Variants in TET2 observed in about 807,000 individuals in gnomAD.
TET2 encodes the protein tet methylcytosine dioxygenase 2.
Under a neutral mutation model 142.9 loss-of-function variants are expected in TET2, and 299 were observed. That is an observed-to-expected ratio of 2.09 (90% CI 1.90 to 2.30). The LOEUF (loss-of-function observed/expected upper bound fraction) is 2.30. TET2 is among the 30% of genes most tolerant of loss of function. The pLI is 0.00. For missense variants in TET2, 2,418 were observed against 2,378.0 expected (o/e 1.02, Z -0.35); for synonymous variants, 819 against 849.0 (o/e 0.96, Z 0.61).
chr4:105,240,069 C>T (rs1729208575), intron 3 of TET2: 2 of 235,754 alleles, frequency 8.5e-6, no homozygotes, highest in East Asian at 1.3e-4. Context: ...TTGTGGCACC[C>T]CCCAAAAATT....
chr4:105,239,067 G>GTTTTTTT, intron 3 of TET2: 1 of 92,636 alleles, frequency 1.1e-5, no homozygotes, highest in Non-Finnish European at 2.1e-5. Flanking sequence ...TTTTGGTTTT[G>GTTTTTTT]TTTTTTGTTT....
At chr4:105,246,035 A>G (rs1729567323) in intron 6 of TET2, among the ~76,000 whole-genome samples, 1 of 152,142 alleles carries the variant, frequency 6.6e-6, no homozygotes, top group Non-Finnish European at 1.5e-5. Context: ...GGTTCAAGTG[A>G]TTCTCATGCC....
intron 10 of TET2, 112 bp from the exon 11 acceptor site, chr4:105,274,936 G>A (rs1731124588): frequency 7.4e-7 from 1 of 1,351,824 alleles, no homozygotes; most frequent in South Asian, 1.6e-5. Context: ...AATGGGTGTC[G>A]TATATCACTA....
At chr4:105,208,239 T>C (rs1311690761) in intron 2 of TET2, among the ~76,000 whole-genome samples, 1 of 152,188 alleles carries the variant, frequency 6.6e-6, no homozygotes, top group Non-Finnish European at 1.5e-5. Context: ...GGCCAACTTA[T>C]CTTGGGTCAC....
At chr4:105,264,300 G>A (rs1296051324) in intron 8 of TET2, among the ~76,000 whole-genome samples, 2 of 152,092 alleles carry the variant, frequency 1.3e-5, no homozygotes, top group Non-Finnish European at 2.9e-5. Flanking sequence ...TGATACTGTC[G>A]TAAAAGTTTA....
intron 8 of TET2, among the ~76,000 whole-genome samples, chr4:105,266,667 A>C (rs1730693440): frequency 6.6e-6 from 1 of 152,106 alleles, no homozygotes; most frequent in South Asian, 2.1e-4. Flanking sequence ...GGCGGAATTA[A>C]CAGATTAAGG....
intron 8 of TET2, among the ~76,000 whole-genome samples, chr4:105,269,113 T>A (rs577849519): frequency 4.2e-4 from 64 of 152,304 alleles, no homozygotes; most frequent in Non-Finnish European, 6.2e-4. Flanking sequence ...CAAAGATGAT[T>A]CAATTGGGAA....
chr4:105,151,465 ATATATAT>A (rs1484750247), intron 1 of TET2, among the ~76,000 whole-genome samples: 1 of 150,460 alleles, frequency 6.6e-6, no homozygotes, highest in Non-Finnish European at 1.5e-5. Context: ...TTTCAATATA[ATATATAT>A]TAGATATAGA....
At chr4:105,196,916 C>G (rs1412412112) in intron 2 of TET2, among the ~76,000 whole-genome samples, 1 of 151,962 alleles carries the variant, frequency 6.6e-6, no homozygotes, top group Admixed American at 6.6e-5. Flanking sequence ...GTTTTATTTC[C>G]CTCTCCCCCT....
At position 105,233,979 on chromosome 4, in the gene TET2, A is replaced by G; in HGVS notation, c.37A>G (p.Arg13Gly). The G allele has an allele frequency of 6.2e-7, 1 of 1,614,122 alleles. No individual in the cohort carries two copies. Among genetic ancestry groups the G allele is most frequent in the Non-Finnish European group, 8.5e-7 (1 of 1,180,018 alleles). Reference sequence around the variant, plus strand: ...TAGAACCAACCATGTTGAGGGCAACAGACTAAGTCCATTCCTGATACCATC... The same window carrying G: ...TAGAACCAACCATGTTGAGGGCAACGGACTAAGTCCATTCCTGATACCATC... ...QDRTNHVEGN[R>G]LSPFLIPSPP... is the part of the protein sequence containing the mutation. Residue 13 changes from arginine (R) to glycine (G), a missense_variant, in exon 3 of 11, where the codon AGA becomes GGA. Arg to Gly is a moderately radical substitution (Grantham distance 125). Coordinates refer to ENST00000380013, the MANE Select transcript of TET2 (RefSeq NM_001127208.3).
intron 7 of TET2, among the ~76,000 whole-genome samples, chr4:105,260,980 C>G (rs1463299783): frequency 1.3e-5 from 2 of 151,902 alleles, no homozygotes; most frequent in Non-Finnish European, 2.9e-5. Flanking sequence ...TACCAAGTAA[C>G]TTATTGCCTC....
In TET2 at chr4:105,243,712, CGG is replaced by C; in HGVS notation, c.3738_3739del (p.Glu1247AlafsTer20). On this transcript the variant is annotated frameshift_variant, in exon 6 of 11. Transcript: ENST00000380013. LOFTEE classifies it high-confidence loss of function. ...CTGTCTCTGGCTGACAAACTCTACT[CGG>C]AGCTTACCGAGACGCTGAGGAAATA... 1.3e-6 allele frequency: 2 copies of C among 1,551,530 alleles called. No individual in the cohort carries two copies. Among genetic ancestry groups the C allele is most frequent in the East Asian group, 2.4e-5 (1 of 40,920 alleles).
At chr4:105,218,476 T>G (rs1399631450) in intron 2 of TET2, among the ~76,000 whole-genome samples, 1 of 152,124 alleles carries the variant, frequency 6.6e-6, no homozygotes, top group Non-Finnish European at 1.5e-5. Context: ...AGGTAAAAAT[T>G]ACACCCTTCA....
In TET2 at chr4:105,272,804, G is replaced by T. The variant is rs991358608; in HGVS notation, c.4423G>T (p.Ala1475Ser). ...RQRKLEAKKAAAEKLSSLENS... is the reference protein window; with the variant it reads ...RQRKLEAKKASAEKLSSLENS... ...AAGGAAACTAGAAGCCAAGAAAGCT[G>T]CAGCTGAAAAGCTTTCCTCCCTGGA... is the stretch of plus-strand genomic sequence containing the variant. The change falls in exon 10 of 11, where the codon GCA becomes TCA. Residue 1475 changes from alanine to serine, a missense_variant. Coordinates refer to ENST00000380013, the MANE Select transcript of TET2 (RefSeq NM_001127208.3). 6.4e-7 allele frequency: 1 copy of T among 1,551,644 alleles called. No individual in the cohort carries two copies. Among genetic ancestry groups the T allele is most frequent in the African/African-American group, 1.4e-5 (1 of 73,154 alleles).
intron 1 of TET2, among the ~76,000 whole-genome samples, chr4:105,185,478 T>C (rs189893791): frequency 2.0e-5 from 3 of 152,330 alleles, no homozygotes; most frequent in Non-Finnish European, 4.4e-5. Flanking sequence ...AAGTAGATAA[T>C]ACCTTTCTAA....
At chr4:105,203,261 A>G (rs1002728239) in intron 2 of TET2, among the ~76,000 whole-genome samples, 6 of 152,326 alleles carry the variant, frequency 3.9e-5, no homozygotes, top group South Asian at 4.1e-4. Flanking sequence ...CCATTCCTAC[A>G]TTGACCATGT....
intron 1 of TET2, among the ~76,000 whole-genome samples, chr4:105,149,096 T>C (rs1172823371): frequency 6.6e-6 from 1 of 152,214 alleles, no homozygotes; most frequent in East Asian, 1.9e-4. Flanking sequence ...CTGTTCATGG[T>C]AAACTATCGA....
Position 105,259,742 on chromosome 4 carries a change from T to G in TET2, c.3927T>G (p.Phe1309Leu). ...CCAGAAGCAAGATCCCAAGGAAGTT[T>G]AAGCTGCTTGGGGATGACCCAAAAG... ...KFARSKIPRKFKLLGDDPKEE... is the reference protein window; with the variant it reads ...KFARSKIPRKLKLLGDDPKEE... The change falls in exon 7 of 11, where the codon TTT becomes TTG. Residue 1309 changes from phenylalanine to leucine, a missense_variant. Transcript: ENST00000380013. The G allele has an allele frequency of 6.4e-7, 1 of 1,550,944 alleles. No homozygotes were observed. Among genetic ancestry groups the G allele is most frequent in the Non-Finnish European group, 8.7e-7 (1 of 1,146,466 alleles).
At position 105,234,946 on chromosome 4, in the gene TET2, C is replaced by T; in HGVS notation, c.1004C>T (p.Pro335Leu). The change falls in exon 3 of 11, where the codon CCT becomes CTT. Residue 335 changes from proline to leucine, a missense_variant. Transcript: ENST00000380013. Reference sequence around the variant, plus strand: ...TCAGTTTTTGAGATATGCCCATCTCCTGCAGAAAATAACATCCAGGGAACC... The same window carrying T: ...TCAGTTTTTGAGATATGCCCATCTCTTGCAGAAAATAACATCCAGGGAACC... ...QKSVFEICPS[P>L]AENNIQGTTK... 1 of 1,613,994 alleles carries T rather than the reference C, an allele frequency of 6.2e-7. No homozygotes were observed. The highest frequency in any genetic ancestry group is 1.7e-5 in the Admixed American group (1 of 59,990).
Sources: allele counts gnomAD v4.1 joint callset (sites outside exome capture counted in the v4.1 genomes callset), GRCh38; gene constraint gnomAD v4.1.1; transcripts MANE v1.5; gene names NCBI Gene and HGNC (gene_info 2026-07-23, HGNC 2026-07-21).